Variants in MAGI1 observed in about 807,000 individuals in gnomAD.
The protein encoded by MAGI1 is membrane-associated guanylate kinase, WW and PDZ domain-containing protein 1.
In MAGI1, 58 loss-of-function variants were observed where a neutral mutation model predicts 139.9. That is an observed-to-expected ratio of 0.41 (90% CI 0.34 to 0.52). The LOEUF (loss-of-function observed/expected upper bound fraction) is 0.52. Ranked by LOEUF, MAGI1 falls within the 20% of genes least tolerant of loss-of-function variation. MAGI1 has a pLI of 0.12. For synonymous variants in MAGI1, 812 were observed against 737.9 expected (o/e 1.10, Z -1.63); for missense variants, 1,874 against 1,901.6 (o/e 0.99, Z 0.27).
At chr3:65,423,828 C>G (rs1166112666) in intron 12 of MAGI1, among the ~76,000 whole-genome samples, 1 of 152,208 alleles carries the variant, frequency 6.6e-6, no homozygotes. Flanking sequence ...AGAAGCATGC[C>G]TGGCACACTG....
intron 4 of MAGI1, among the ~76,000 whole-genome samples, chr3:65,472,767 G>A (rs1342954912): frequency 6.6e-6 from 1 of 152,214 alleles, no homozygotes; most frequent in African/African-American, 2.4e-5. Context: ...CAGACAGTTT[G>A]TGCCCTGGAG....
At chr3:65,610,764 G>C (rs1262840122) in intron 2 of MAGI1, among the ~76,000 whole-genome samples, 10 of 26,002 alleles carry the variant, frequency 3.8e-4, no homozygotes, top group South Asian at 9.1e-4. Flanking sequence ...TATATATATA[G>C]CATATATATA....
chr3:65,704,722 T>G (rs369600956), intron 1 of MAGI1, among the ~76,000 whole-genome samples: 1 of 152,028 alleles, frequency 6.6e-6, no homozygotes, highest in East Asian at 1.9e-4. Flanking sequence ...TTCAAGTGCA[T>G]GACGACATAA....
chr3:65,667,937 A>G (rs2086630292), intron 1 of MAGI1, among the ~76,000 whole-genome samples: 1 of 152,194 alleles, frequency 6.6e-6, no homozygotes, highest in Admixed American at 6.5e-5. Flanking sequence ...AGGGATTTTC[A>G]TCAAGTATAG....
intron 2 of MAGI1, among the ~76,000 whole-genome samples, chr3:65,515,848 GC>G (rs1169126478): frequency 6.6e-6 from 1 of 152,178 alleles, no homozygotes; most frequent in Non-Finnish European, 1.5e-5. Context: ...AACCACAACA[GC>G]AAGCCTGGCA....
intron 1 of MAGI1, among the ~76,000 whole-genome samples, chr3:65,625,491 C>T (rs1248136168): frequency 6.6e-6 from 1 of 152,122 alleles, no homozygotes; most frequent in Non-Finnish European, 1.5e-5. Context: ...GAGAACAGGG[C>T]TTAATCTCTG....
At chr3:65,860,423 T>C (rs557887639) in intron 1 of MAGI1, among the ~76,000 whole-genome samples, 32 of 152,328 alleles carry the variant, frequency 2.1e-4, no homozygotes, top group African/African-American at 7.7e-4. Flanking sequence ...GACAAGGGTA[T>C]TGACAGAGCC....
intron 1 of MAGI1, among the ~76,000 whole-genome samples, chr3:65,648,950 G>C (rs796324283): frequency 6.6e-6 from 1 of 152,152 alleles, no homozygotes; most frequent in Admixed American, 6.6e-5. Context: ...CAATTCAGTG[G>C]AGAAAGGACA....
chr3:65,680,132 T>C (rs2087479279), intron 1 of MAGI1, among the ~76,000 whole-genome samples: 1 of 152,142 alleles, frequency 6.6e-6, no homozygotes, highest in Admixed American at 6.6e-5. Context: ...CGCTCTCACT[T>C]TTTCCTTTGT....
At chr3:65,863,031 T>G (rs1404828468) in intron 1 of MAGI1, among the ~76,000 whole-genome samples, 2 of 152,228 alleles carry the variant, frequency 1.3e-5, no homozygotes, top group African/African-American at 4.8e-5. Flanking sequence ...TTTCTCACCA[T>G]GAAGCCAGTA....
chr3:65,620,303 C>A (rs1262775409), intron 2 of MAGI1, among the ~76,000 whole-genome samples: 1 of 152,164 alleles, frequency 6.6e-6, no homozygotes, highest in Non-Finnish European at 1.5e-5. Flanking sequence ...ATGAAAACAG[C>A]CCTAGATGAC....
intron 1 of MAGI1, among the ~76,000 whole-genome samples, chr3:65,655,143 G>A (rs2085799466): frequency 6.6e-6 from 1 of 152,082 alleles, no homozygotes. Context: ...AGGGTAGAGT[G>A]GAGCGGGGAT....
In MAGI1 at chr3:65,690,723, A is replaced by ACCTCCCAATGTGCTGGGATTACAG. The variant is rs150180686; in HGVS notation, c.314-68659_314-68636dup. Among the ~76,000 whole-genome samples, 732 of 133,344 alleles carry ACCTCCCAATGTGCTGGGATTACAG rather than the reference A, an allele frequency of 5.5e-3. 31 individuals carry two copies. The highest frequency in any genetic ancestry group is 0.02 in the African/African-American group (647 of 32,404). 87.5% of individuals were successfully genotyped at this position (133,344 alleles called of 152,430 possible). A position where few individuals can be genotyped will look rare whatever the true frequency, so the allele number is the denominator to read the frequency against. On this transcript the variant is annotated intron_variant, in intron 1 of 22. Transcript: ENST00000402939. Reference sequence around the variant, plus strand: ...ATGAACTCCTGACCTCAAGTGATCCACCTCCCAATGTGCTGGGATTACAGC... The same window carrying ACCTCCCAATGTGCTGGGATTACAG: ...ATGAACTCCTGACCTCAAGTGATCCACCTCCCAATGTGCTGGGATTACAGCCTCCCAATGTGCTGGGATTACAGC...
intron 4 of MAGI1, among the ~76,000 whole-genome samples, chr3:65,471,036 T>C (rs918767269): frequency 1.3e-5 from 2 of 152,196 alleles, no homozygotes; most frequent in South Asian, 4.1e-4. Flanking sequence ...CTGAAACGTA[T>C]ACAAAAGTTT....
chr3:65,922,681 G>A (rs1016243025), intron 1 of MAGI1, among the ~76,000 whole-genome samples: 1 of 152,150 alleles, frequency 6.6e-6, no homozygotes, highest in Non-Finnish European at 1.5e-5. Flanking sequence ...TATTACAGCA[G>A]CCCAGGGAAA....
chr3:65,554,484 C>T (rs555761124), intron 2 of MAGI1, among the ~76,000 whole-genome samples: 4 of 152,234 alleles, frequency 2.6e-5, no homozygotes, highest in African/African-American at 4.8e-5. Context: ...AAAAGAGAGA[C>T]GCAAAGCATC....
intron 1 of MAGI1, among the ~76,000 whole-genome samples, chr3:65,677,575 A>G (rs544766787): frequency 6.6e-6 from 1 of 152,358 alleles, no homozygotes; most frequent in South Asian, 2.1e-4. Flanking sequence ...GAAGGTAGTT[A>G]AAAGTCAACA....
chr3:65,846,984 A>AAAAAAAAC (rs1482246197), intron 1 of MAGI1, among the ~76,000 whole-genome samples: 41 of 125,484 alleles, frequency 3.3e-4, no homozygotes, highest in South Asian at 5.9e-4. Flanking sequence ...TACAAAAAAA[A>AAAAAAAAC]AAAAAAAAAA....
At chr3:65,604,260 T>G (rs2082627031) in intron 2 of MAGI1, among the ~76,000 whole-genome samples, 1 of 151,680 alleles carries the variant, frequency 6.6e-6, no homozygotes, top group Non-Finnish European at 1.5e-5. Context: ...CTAATAAAAA[T>G]GAAAAACACT....
Sources: allele counts gnomAD v4.1 joint callset (sites outside exome capture counted in the v4.1 genomes callset), GRCh38; gene constraint gnomAD v4.1.1; transcripts MANE v1.5; gene names NCBI Gene and HGNC (gene_info 2026-07-23, HGNC 2026-07-21).